Variants in MTHFD2 observed in about 807,000 individuals in gnomAD.
MTHFD2 encodes methylenetetrahydrofolate dehydrogenase (NADP+ dependent) 2, methenyltetrahydrofolate cyclohydrolase.
In MTHFD2, 26 loss-of-function variants were observed where a neutral mutation model predicts 36.8. The observed-to-expected ratio is 0.71, with a 90% CI of 0.52 to 0.98. MTHFD2 has a LOEUF of 0.98. Among genes scored for constraint, MTHFD2 ranks in the 50% least tolerant of loss-of-function variants. The pLI, the probability that MTHFD2 is intolerant of heterozygous loss-of-function variation, is 0.00. For missense variants in MTHFD2, 373 were observed against 434.0 expected (o/e 0.86, Z 1.25); for synonymous variants, 164 against 155.2 (o/e 1.06, Z -0.42).
intron 1 of MTHFD2, among the ~76,000 whole-genome samples, chr2:74,203,891 GT>G (rs1452764229): frequency 1.6e-3 from 46 of 29,616 alleles, no homozygotes; most frequent in African/African-American, 6.1e-3. Flanking sequence ...GTTTAGTTTA[GT>G]TTAGTTTAGT....
chr2:74,204,946 C>T (rs1694144198), intron 1 of MTHFD2, among the ~76,000 whole-genome samples: 1 of 152,192 alleles, frequency 6.6e-6, no homozygotes, highest in Non-Finnish European at 1.5e-5. Context: ...CTGCCTCAGC[C>T]ACCTGAGTAG....
At chr2:74,213,973 C>T in intron 7 of MTHFD2, 106 bp from the exon 8 acceptor site, 1 of 1,254,282 alleles carries the variant, frequency 8.0e-7, no homozygotes, top group Non-Finnish European at 1.1e-6. Flanking sequence ...GAGTTTTATG[C>T]TTATGTATGT....
At chr2:74,210,282 G>T (rs1694275043) in intron 5 of MTHFD2, among the ~76,000 whole-genome samples, 1 of 152,160 alleles carries the variant, frequency 6.6e-6, no homozygotes, top group Non-Finnish European at 1.5e-5. Context: ...TTTAAGTTTT[G>T]AGTATAAGCA....
At chr2:74,202,523 T>C (rs1474400306) in intron 1 of MTHFD2, among the ~76,000 whole-genome samples, 1 of 152,074 alleles carries the variant, frequency 6.6e-6, no homozygotes, top group Non-Finnish European at 1.5e-5. Context: ...TTAATTTTTT[T>C]TTTTTGAGAT....
Position 74,209,516 on chromosome 2 carries a change from G to A in MTHFD2, c.563-426G>A, listed in dbSNP as rs1012548138. Among the ~76,000 whole-genome samples the A allele has an allele frequency of 3.3e-5, 5 of 152,098 alleles. No homozygotes were observed. In the South Asian group the frequency reaches 1.0e-3, roughly 32 times the overall value. On this transcript the variant is annotated intron_variant, in intron 4 of 7. Transcript: ENST00000394053. Reference sequence around the variant, plus strand: ...TCCACCTGCCTTGGCCTCCCAAAGTGCTGGGATTACAGGTGTGAGCCATCG... The same window carrying A: ...TCCACCTGCCTTGGCCTCCCAAAGTACTGGGATTACAGGTGTGAGCCATCG...
At position 74,198,741 on chromosome 2, in the gene MTHFD2, C is replaced by A; in HGVS notation, c.100C>A (p.Arg34=). The A allele has an allele frequency of 6.2e-7, 1 of 1,606,932 alleles. No individual in the cohort carries two copies. The highest frequency in any genetic ancestry group is 2.2e-5 in the East Asian group (1 of 44,554). The change falls in exon 1 of 8, where the codon CGA becomes AGA. Residue 34 remains arginine (R), a splice_region_variant and synonymous_variant. Coordinates refer to ENST00000394053, the MANE Select transcript of MTHFD2 (RefSeq NM_006636.4). The part of the protein sequence containing the change: ...RLRPFHLAAV[R]NEAVVISGRK... ...TCGCCCTTTCCACCTCGCGGCAGTT[C>A]GGTAAGAGGGTCACAGAGCTCGGTC...
intron 4 of MTHFD2, 62 bp from the exon 5 acceptor site, chr2:74,209,880 A>G: frequency 6.9e-7 from 1 of 1,451,074 alleles, no homozygotes; most frequent in East Asian, 2.4e-5. Context: ...GTTCTAGGCC[A>G]TCTGACTTTG....
intron 1 of MTHFD2, among the ~76,000 whole-genome samples, chr2:74,203,256 T>G (rs1266463022): frequency 1.3e-5 from 2 of 152,188 alleles, no homozygotes; most frequent in Non-Finnish European, 2.9e-5. Flanking sequence ...TCTGCCCACC[T>G]TGGCCTCCCA....
chr2:74,214,440 C>A lies in MTHFD2; in HGVS notation c.*198C>A. 1 of 485,208 alleles carries A rather than the reference C, an allele frequency of 2.1e-6. No individual in the cohort carries two copies. The highest frequency in any genetic ancestry group is 2.0e-5 in the African/African-American group (1 of 50,902). 30.1% of individuals were successfully genotyped at this position (485,208 alleles called of 1,614,324 possible). ...CACCAGGGAGCATTCCAGTATCATGCAGGGTCCTGTGATCTAGCCAGGAGC... is the reference window on the plus strand; with the variant it reads ...CACCAGGGAGCATTCCAGTATCATGAAGGGTCCTGTGATCTAGCCAGGAGC... On this transcript the variant is annotated 3_prime_UTR_variant, in exon 8 of 8. Coordinates refer to ENST00000394053, the MANE Select transcript of MTHFD2 (RefSeq NM_006636.4).
rs1469800733 is a variant in MTHFD2, at chr2:74,211,276, G to A, written c.748G>A (p.Val250Ile). The A allele has an allele frequency of 6.3e-7, 1 of 1,595,280 alleles. No individual in the cohort carries two copies. Among genetic ancestry groups the A allele is most frequent in the Non-Finnish European group, 8.6e-7 (1 of 1,164,132 alleles). Residue 250 changes from valine to isoleucine, a missense_variant, in exon 6 of 8, where the codon GTA (valine) becomes ATA (isoleucine). Val to Ile is a conservative substitution (Grantham distance 29). Around this residue, in one of 2 missense-constraint regions of MTHFD2, gnomAD observed 308 missense variants for 397.8 expected, o/e 0.77. Transcript: ENST00000394053. ...LKKHTILADI[V>I]ISAAGIPNLI... is the part of the protein sequence containing the mutation. Reference sequence around the variant, plus strand: ...GAAACATACAATTCTTGCAGATATTGTAATATCTGCTGCAGGTAAGAACAC... The same window carrying A: ...GAAACATACAATTCTTGCAGATATTATAATATCTGCTGCAGGTAAGAACAC...
intron 1 of MTHFD2, 78 bp downstream of exon 1, chr2:74,198,820 G>A: frequency 1.1e-5 from 14 of 1,306,800 alleles, no homozygotes; most frequent in Non-Finnish European, 1.5e-5. Flanking sequence ...GCCCCCGAGG[G>A]ACACCGAGGG....
intron 1 of MTHFD2, among the ~76,000 whole-genome samples, chr2:74,204,020 TCTC>T (rs1320770407): frequency 6.6e-6 from 1 of 151,882 alleles, no homozygotes. Context: ...TTCAAGCAAT[TCTC>T]CTGCCTCAGC....
intron 7 of MTHFD2, among the ~76,000 whole-genome samples, chr2:74,212,263 C>CTTTTTTTTTTTT (rs398042480): frequency 1.1e-4 from 4 of 35,694 alleles, no homozygotes; most frequent in Admixed American, 4.6e-4. Flanking sequence ...GTTTCTTTCT[C>CTTTTTTTTTTTT]TTTTTTTTTT....
intron 4 of MTHFD2, 96 bp from the exon 5 acceptor site, chr2:74,209,846 C>T: frequency 2.2e-6 from 2 of 915,136 alleles, no homozygotes; most frequent in South Asian, 3.5e-5. Flanking sequence ...CTCCAGTTGA[C>T]TGATGAGGCA....
intron 5 of MTHFD2, 70 bp from the exon 6 acceptor site, chr2:74,211,129 T>G: frequency 1.0e-6 from 1 of 971,810 alleles, no homozygotes; most frequent in East Asian, 2.5e-5. Context: ...TACAATGACT[T>G]GACTAGTTGA....
chr2:74,214,000 G>A (rs538795008), intron 7 of MTHFD2, 79 bp from the exon 8 acceptor site: 2 of 1,450,342 alleles, frequency 1.4e-6, no homozygotes, highest in East Asian at 2.3e-5. Flanking sequence ...TTCCTTGCAT[G>A]CTTGTTTAAT....
At chr2:74,206,145 T>C in intron 2 of MTHFD2, 1 of 314,730 alleles carries the variant, frequency 3.2e-6, no homozygotes, top group Admixed American at 4.4e-5. Context: ...TTCTTAGTCT[T>C]TATATTTGAT....
intron 4 of MTHFD2, 90 bp from the exon 5 acceptor site, chr2:74,209,852 A>C: frequency 9.9e-7 from 1 of 1,012,676 alleles, no homozygotes; most frequent in Non-Finnish European, 1.4e-6. Flanking sequence ...TTGACTGATG[A>C]GGCAAAATTG....
At chr2:74,212,818 A>G (rs1223051357) in intron 7 of MTHFD2, among the ~76,000 whole-genome samples, 1 of 152,162 alleles carries the variant, frequency 6.6e-6, no homozygotes, top group East Asian at 1.9e-4. Context: ...TCACACTGAG[A>G]GATCACAGGC....
Sources: gnomAD v4.1 joint callset for allele counts (sites outside exome capture counted in the v4.1 genomes callset) on GRCh38, gnomAD v4.1.1 for gene constraint, gnomAD v4.1.1 regional missense constraint, MANE v1.5 for transcripts, NCBI Gene and HGNC (gene_info 2026-07-23, HGNC 2026-07-21) for gene names.